C8orf34: variants seen among roughly 807,000 people sequenced by gnomAD.
C8orf34 encodes chromosome 8 open reading frame 34, also known as uncharacterized protein C8orf34.
Under a neutral mutation model 68.3 loss-of-function variants are expected in C8orf34, and 65 were observed. That is an observed-to-expected ratio of 0.95 (90% CI 0.78 to 1.17). The LOEUF is 1.17. Among genes scored for constraint, C8orf34 ranks in the 50% most tolerant of loss-of-function variants. The probability of loss-of-function intolerance (pLI) is 0.00; values close to 1 mark genes in which losing one functional copy is unlikely to be tolerated. For synonymous variants in C8orf34, 244 were observed against 241.2 expected (o/e 1.01, Z -0.11); for missense variants, 664 against 655.4 (o/e 1.01, Z -0.14).
chr8:68,643,857 G>T (rs1033473940), intron 8 of C8orf34, among the ~76,000 whole-genome samples: 3 of 152,146 alleles, frequency 2.0e-5, no homozygotes, highest in African/African-American at 7.2e-5. Flanking sequence ...TTAAAAATCA[G>T]TGCAGCTGAT....
chr8:68,778,432 T>C (rs1193213265), intron 11 of C8orf34, among the ~76,000 whole-genome samples: 1 of 152,172 alleles, frequency 6.6e-6, no homozygotes, highest in East Asian at 1.9e-4. Context: ...ATGCTCTTTT[T>C]TTCATCTAGT....
intron 7 of C8orf34, among the ~76,000 whole-genome samples, chr8:68,596,810 C>G (rs961982976): frequency 6.6e-6 from 1 of 152,128 alleles, no homozygotes; most frequent in Non-Finnish European, 1.5e-5. Flanking sequence ...AGTTCCAAAG[C>G]TGTCCACTCT....
chr8:68,747,129 A>G (rs1177780055), intron 10 of C8orf34, among the ~76,000 whole-genome samples: 1 of 152,148 alleles, frequency 6.6e-6, no homozygotes, highest in East Asian at 1.9e-4. Context: ...ACCAAAGACA[A>G]AAACCACATG....
chr8:68,701,517 T>G (rs982435899), intron 8 of C8orf34, among the ~76,000 whole-genome samples: 5 of 152,028 alleles, frequency 3.3e-5, no homozygotes, highest in African/African-American at 4.8e-5. Flanking sequence ...ATTCACATTT[T>G]TTTTTCCCCG....
intron 5 of C8orf34, among the ~76,000 whole-genome samples, chr8:68,488,576 A>G (rs763166153): frequency 1.3e-5 from 2 of 152,104 alleles, no homozygotes; most frequent in African/African-American, 2.4e-5. Flanking sequence ...GAACTTGCTA[A>G]TGGATTGGAT....
chr8:68,446,739 T>C, intron 3 of C8orf34: 1 of 390,958 alleles, frequency 2.6e-6, no homozygotes, highest in Non-Finnish European at 4.5e-6. Flanking sequence ...TTGTTTCTCA[T>C]AGCCAATTGT....
At chr8:68,580,969 A>G (rs190348560) in intron 7 of C8orf34, among the ~76,000 whole-genome samples, 9 of 152,262 alleles carry the variant, frequency 5.9e-5, no homozygotes, top group Admixed American at 1.3e-4. Flanking sequence ...TATTTCAAGT[A>G]CAGGGTGATT....
At chr8:68,481,189 G>C (rs369776937) in intron 4 of C8orf34, among the ~76,000 whole-genome samples, 1 of 152,226 alleles carries the variant, frequency 6.6e-6, no homozygotes, top group African/African-American at 2.4e-5. Context: ...GCTTCAGAGG[G>C]TATAAGCCCC....
At chr8:68,524,125 C>G (rs1175224441) in intron 6 of C8orf34, among the ~76,000 whole-genome samples, 5 of 152,190 alleles carry the variant, frequency 3.3e-5, no homozygotes, top group Non-Finnish European at 7.3e-5. Context: ...AAGTCTTACT[C>G]AAATGGCTAC....
chr8:68,551,149 T>C (rs1023050261), intron 7 of C8orf34, among the ~76,000 whole-genome samples: 4 of 151,932 alleles, frequency 2.6e-5, no homozygotes, highest in Admixed American at 2.6e-4. Context: ...ATGCATATGT[T>C]ACATTTTATA....
At position 68,357,847 on chromosome 8, in the gene C8orf34, G is replaced by A. The variant is rs181997461; in HGVS notation, c.327+26508G>A. 8.5e-5 allele frequency among the ~76,000 whole-genome samples: 13 copies of A among 152,262 alleles called. No individual in the cohort carries two copies. The East Asian group carries it at 1.4e-3, about 16-fold the overall frequency. Reference sequence around the variant, plus strand: ...ATTTGATACTGTCAAAAATATTTACGTAGATATTTTGAATTGTGCAACTAA... The same window carrying A: ...ATTTGATACTGTCAAAAATATTTACATAGATATTTTGAATTGTGCAACTAA... On this transcript the variant is annotated intron_variant, in intron 1 of 13. Transcript: ENST00000518698.
At chr8:68,434,570 C>T (rs189922822) in intron 1 of C8orf34, among the ~76,000 whole-genome samples, 23 of 152,112 alleles carry the variant, frequency 1.5e-4, no homozygotes, top group Admixed American at 1.0e-3. Flanking sequence ...GCATTGGTTC[C>T]GAGTCTTTGC....
At chr8:68,544,244 A>G (rs182948957) in intron 7 of C8orf34, among the ~76,000 whole-genome samples, 23 of 152,322 alleles carry the variant, frequency 1.5e-4, no homozygotes, top group South Asian at 6.2e-4. Flanking sequence ...AGAAGTGAAT[A>G]GAGAAACAGA....
intron 7 of C8orf34, among the ~76,000 whole-genome samples, chr8:68,612,437 A>G (rs949266416): frequency 6.6e-6 from 1 of 152,180 alleles, no homozygotes; most frequent in Non-Finnish European, 1.5e-5. Flanking sequence ...CCACTAGACC[A>G]TATCACCTTT....
intron 5 of C8orf34, among the ~76,000 whole-genome samples, chr8:68,496,068 TA>T (rs1224984594): frequency 1.5e-4 from 23 of 152,222 alleles, no homozygotes; most frequent in Admixed American, 1.5e-3. Context: ...GTTGTTTTTA[TA>T]AAGTAGTTAA....
chr8:68,736,878 A>G (rs1822137301), intron 10 of C8orf34, among the ~76,000 whole-genome samples: 1 of 152,106 alleles, frequency 6.6e-6, no homozygotes, highest in Non-Finnish European at 1.5e-5. Flanking sequence ...GGTACCTCCC[A>G]TGAGTCCAAT....
intron 10 of C8orf34, among the ~76,000 whole-genome samples, chr8:68,764,656 G>A (rs1259857781): frequency 6.6e-6 from 1 of 152,140 alleles, no homozygotes; most frequent in Non-Finnish European, 1.5e-5. Context: ...AATGCCAAAG[G>A]TTGAGGGGAA....
At chr8:68,442,199 G>A (rs1453646682) in intron 2 of C8orf34, among the ~76,000 whole-genome samples, 1 of 152,086 alleles carries the variant, frequency 6.6e-6, no homozygotes, top group African/African-American at 2.4e-5. Flanking sequence ...TGGGGGGTCA[G>A]ATAGGGAAGA....
At chr8:68,765,230 G>A (rs1275326676) in intron 10 of C8orf34, among the ~76,000 whole-genome samples, 1 of 152,206 alleles carries the variant, frequency 6.6e-6, no homozygotes, top group African/African-American at 2.4e-5. Context: ...TTACAGATGA[G>A]AAAATGGAAA....
Sources: allele counts gnomAD v4.1 joint callset (sites outside exome capture counted in the v4.1 genomes callset), GRCh38; gene constraint gnomAD v4.1.1; transcripts MANE v1.5; gene names NCBI Gene and HGNC (gene_info 2026-07-23, HGNC 2026-07-21).